TMEM150C: variants seen among roughly 807,000 people sequenced by gnomAD.
The protein encoded by TMEM150C is tentonin 3.
A neutral mutation model predicts 29.9 loss-of-function variants in TMEM150C; 10 were observed. The observed-to-expected ratio is 0.33, with a 90% confidence interval of 0.21 to 0.57. TMEM150C has a LOEUF of 0.57. Ranked by LOEUF, TMEM150C falls within the 20% of genes least tolerant of loss-of-function variation. The pLI is 0.88. For synonymous variants in TMEM150C, 101 were observed against 112.5 expected, an observed-to-expected ratio of 0.90 and a Z score of 0.64; for missense variants, 251 against 303.6, an observed-to-expected ratio of 0.83 and a Z score of 1.29.
At chr4:82,513,460 C>T (rs1279864519) in intron 1 of TMEM150C, among the ~76,000 whole-genome samples, 1 of 151,206 alleles carries the variant, frequency 6.6e-6, no homozygotes, top group Non-Finnish European at 1.5e-5. Context: ...CTTAAAAAAT[C>T]ATAAATTTAA....
intron 1 of TMEM150C, among the ~76,000 whole-genome samples, chr4:82,508,620 C>A (rs1156440152): frequency 3.9e-5 from 6 of 152,094 alleles, no homozygotes; most frequent in African/African-American, 1.2e-4. Context: ...CACCTGCCAC[C>A]ACACCCGGCT....
intron 1 of TMEM150C, among the ~76,000 whole-genome samples, chr4:82,510,505 C>A (rs1029222645): frequency 3.3e-5 from 5 of 152,092 alleles, no homozygotes; most frequent in Non-Finnish European, 5.9e-5. Flanking sequence ...AGTTGTGTGT[C>A]CTTGGTTAAG....
intron 1 of TMEM150C, among the ~76,000 whole-genome samples, chr4:82,530,950 C>T (rs1355729448): frequency 6.6e-6 from 1 of 152,140 alleles, no homozygotes; most frequent in African/African-American, 2.4e-5. Context: ...TATCCTGAGA[C>T]AGCACTAGGG....
chr4:82,546,427 C>T (rs187782181), intron 1 of TMEM150C, among the ~76,000 whole-genome samples: 1 of 152,162 alleles, frequency 6.6e-6, no homozygotes, highest in Non-Finnish European at 1.5e-5. Context: ...TAATGCCACA[C>T]ACCTGCAGCC....
At chr4:82,554,933 T>C (rs1438929611) in intron 1 of TMEM150C, among the ~76,000 whole-genome samples, 1 of 152,124 alleles carries the variant, frequency 6.6e-6, no homozygotes, top group Non-Finnish European at 1.5e-5. Context: ...AAAATCTGAA[T>C]AGCTTTAGAA....
intron 1 of TMEM150C, among the ~76,000 whole-genome samples, chr4:82,534,430 T>G (rs1724944518): frequency 6.6e-6 from 1 of 152,030 alleles, no homozygotes; most frequent in Non-Finnish European, 1.5e-5. Flanking sequence ...CTTGCAAAAA[T>G]AATTAGAAGA....
chr4:82,531,209 T>A (rs1724833798), intron 1 of TMEM150C, among the ~76,000 whole-genome samples: 1 of 152,138 alleles, frequency 6.6e-6, no homozygotes, highest in South Asian at 2.1e-4. Flanking sequence ...ATAAGGTGCC[T>A]GAAGAAACCC....
intron 1 of TMEM150C, among the ~76,000 whole-genome samples, chr4:82,558,092 A>G (rs551118935): frequency 2.6e-5 from 4 of 152,104 alleles, no homozygotes; most frequent in Middle Eastern, 3.4e-3. Context: ...GGTATTATCA[A>G]TGCCAATTGC....
At chr4:82,517,038 A>G (rs1313528460) in intron 1 of TMEM150C, among the ~76,000 whole-genome samples, 1 of 152,218 alleles carries the variant, frequency 6.6e-6, no homozygotes. Context: ...AGGGACTTGT[A>G]AAATGCAGTT....
chr4:82,524,258 A>C (rs986276262), intron 1 of TMEM150C, among the ~76,000 whole-genome samples: 1 of 152,140 alleles, frequency 6.6e-6, no homozygotes, highest in Non-Finnish European at 1.5e-5. Flanking sequence ...ACAGCAACTA[A>C]AACATGACCA....
At chr4:82,495,465 G>T in intron 6 of TMEM150C, 1 of 357,328 alleles carries the variant, frequency 2.8e-6, no homozygotes, top group Non-Finnish European at 5.4e-6. Context: ...TGCGGATTCT[G>T]CTAGCTCTTT....
intron 1 of TMEM150C, among the ~76,000 whole-genome samples, chr4:82,560,041 A>G (rs190391672): frequency 2.3e-4 from 35 of 152,168 alleles, no homozygotes; most frequent in African/African-American, 8.4e-4. Context: ...GAGCCCAAAA[A>G]CCCCTGCAAG....
chr4:82,486,089 G>A (rs1349170242), intron 7 of TMEM150C, among the ~76,000 whole-genome samples: 1 of 151,996 alleles, frequency 6.6e-6, no homozygotes, highest in Admixed American at 6.6e-5. Context: ...TAAGTAACTT[G>A]CCTGAGGTCA....
At chr4:82,528,897 G>A (rs751340986) in intron 1 of TMEM150C, among the ~76,000 whole-genome samples, 1 of 152,092 alleles carries the variant, frequency 6.6e-6, no homozygotes, top group Non-Finnish European at 1.5e-5. Context: ...GATGCATCAA[G>A]TTTTATGGTG....
At chr4:82,494,783 ATT>A (rs70964776) in intron 6 of TMEM150C, 1,295 of 187,426 alleles carry the variant, frequency 6.9e-3, no homozygotes, top group South Asian at 0.017. Flanking sequence ...AATGTTCCTA[ATT>A]TTTTTTTTTT....
chr4:82,514,835 G>C (rs1415702015), intron 1 of TMEM150C, among the ~76,000 whole-genome samples: 1 of 152,046 alleles, frequency 6.6e-6, no homozygotes, highest in Non-Finnish European at 1.5e-5. Flanking sequence ...AGATGGCCTG[G>C]TTATCATGAG....
chr4:82,541,633 A>T (rs1386445039), intron 1 of TMEM150C, among the ~76,000 whole-genome samples: 1 of 152,218 alleles, frequency 6.6e-6, no homozygotes, highest in African/African-American at 2.4e-5. Flanking sequence ...GAGGAGCCCA[A>T]AATAAGCCAC....
At chr4:82,521,843 T>C (rs999874415) in intron 1 of TMEM150C, among the ~76,000 whole-genome samples, 6 of 152,138 alleles carry the variant, frequency 3.9e-5, no homozygotes, top group Non-Finnish European at 7.4e-5. Flanking sequence ...GAGGCCATGC[T>C]TGGGCAATGG....
chr4:82,492,744 T>A (rs1723397688), intron 6 of TMEM150C, among the ~76,000 whole-genome samples: 1 of 138,986 alleles, frequency 7.2e-6, no homozygotes, highest in Non-Finnish European at 1.5e-5. Flanking sequence ...CACCATTAGA[T>A]CATAATTTTT....
Sources: gnomAD v4.1 joint callset for allele counts (sites outside exome capture counted in the v4.1 genomes callset) on GRCh38, gnomAD v4.1.1 for gene constraint, MANE v1.5 for transcripts, NCBI Gene and HGNC (gene_info 2026-07-23, HGNC 2026-07-21) for gene names.